Variants in RAB9A observed in about 807,000 individuals in gnomAD.
RAB9A encodes the protein ras-related protein Rab-9A.
Under a neutral mutation model 10.3 loss-of-function variants are expected in RAB9A, and 1 was observed. That is an observed-to-expected ratio of 0.10 (90% CI 0.03 to 0.46). RAB9A has a LOEUF of 0.46. RAB9A is among the 20% of genes least tolerant of loss of function. RAB9A has a pLI of 0.96. For missense variants in RAB9A, 92 were observed against 150.3 expected (o/e 0.61, Z 2.03); for synonymous variants, 39 against 55.2 (o/e 0.71, Z 1.30).
In RAB9A at chrX:13,690,844, G is replaced by T. The variant is rs1207389867; in HGVS notation, c.-116+1556G>T. Among the ~76,000 whole-genome samples the T allele has an allele frequency of 2.7e-5, 3 of 111,466 alleles. No homozygotes were observed. In the East Asian group the frequency reaches 8.4e-4, roughly 31 times the overall value. On this transcript the variant is annotated intron_variant, in intron 1 of 2. Coordinates refer to ENST00000464506, the MANE Select transcript of RAB9A (RefSeq NM_004251.5). The stretch of plus-strand genomic sequence containing the variant: ...TCCATGTTACAGTTGAGGAATTTGG[G>T]GGGGCATAGGAAGGTTCAGTCTGTT...
At chrX:13,706,554 AT>A (rs397937858) in intron 2 of RAB9A, among the ~76,000 whole-genome samples, 176 of 97,256 alleles carry the variant, frequency 1.8e-3, no homozygotes, top group East Asian at 1.9e-3. Flanking sequence ...CGTCCAGCTA[AT>A]TTTTTTTTTT....
At chrX:13,691,580 A>C (rs1219337540) in intron 1 of RAB9A, among the ~76,000 whole-genome samples, 1 of 102,964 alleles carries the variant, frequency 9.7e-6, no homozygotes. Flanking sequence ...GAATCGCTTG[A>C]ACCTGGGAGG....
At chrX:13,703,418 CTGT>C (rs990068853) in intron 1 of RAB9A, among the ~76,000 whole-genome samples, 25 of 112,436 alleles carry the variant, frequency 2.2e-4, no homozygotes, top group African/African-American at 6.5e-4. Flanking sequence ...AGGCTAGCTG[CTGT>C]TGTTGTTGTT....
At position 13,708,756 on chromosome X, in the gene RAB9A, A is replaced by G; in HGVS notation, c.10A>G (p.Lys4Glu). 3 of 1,184,468 alleles carry G rather than the reference A, an allele frequency of 2.5e-6. No individual in the cohort carries two copies. The highest frequency in any genetic ancestry group is 3.4e-6 in the Non-Finnish European group (3 of 883,078). MAGKSSLFKVILLG... is the reference protein window; with the variant it reads MAGESSLFKVILLG... ...GCTTTTGAGATTAACAATGGCAGGA[A>G]AATCATCACTTTTTAAAGTAATTCT... The change falls in exon 3 of 3, where the codon AAA becomes GAA. Residue 4 changes from lysine to glutamate, a missense_variant. Physicochemically the swap from Lys to Glu is moderately conservative, Grantham distance 56 (BLOSUM62 1). Coordinates refer to ENST00000464506, the MANE Select transcript of RAB9A (RefSeq NM_004251.5).
At chrX:13,706,251 T>C (rs1295828141) in intron 2 of RAB9A, among the ~76,000 whole-genome samples, 1 of 112,396 alleles carries the variant, frequency 8.9e-6, no homozygotes, top group Non-Finnish European at 1.9e-5. Flanking sequence ...GTTTCCTCTT[T>C]AACATTAATA....
At chrX:13,701,397 T>A (rs761317749) in intron 1 of RAB9A, among the ~76,000 whole-genome samples, 4 of 112,032 alleles carry the variant, frequency 3.6e-5, no homozygotes, top group Non-Finnish European at 7.5e-5. Flanking sequence ...GGATGTATGA[T>A]GCATTTTATT....
intron 1 of RAB9A, among the ~76,000 whole-genome samples, chrX:13,691,026 G>A (rs745607638): frequency 2.7e-5 from 3 of 111,785 alleles, no homozygotes; most frequent in African/African-American, 9.8e-5. Flanking sequence ...ACACCTGGGG[G>A]CAAGGGAGGT....
intron 1 of RAB9A, among the ~76,000 whole-genome samples, chrX:13,690,845 G>A (rs2046118373): frequency 9.0e-6 from 1 of 111,469 alleles, no homozygotes; most frequent in Non-Finnish European, 1.9e-5. Context: ...GGAATTTGGG[G>A]GGGCATAGGA....
chrX:13,695,583 A>G (rs1409065497), intron 1 of RAB9A, among the ~76,000 whole-genome samples: 1 of 112,551 alleles, frequency 8.9e-6, no homozygotes, highest in Non-Finnish European at 1.9e-5. Context: ...CGAAAAGTGG[A>G]CATATTTCAT....
intron 1 of RAB9A, among the ~76,000 whole-genome samples, chrX:13,690,534 C>T (rs1296560777): frequency 9.0e-6 from 1 of 111,626 alleles, no homozygotes; most frequent in African/African-American, 3.3e-5. Flanking sequence ...GCTTTGACTC[C>T]AAGCCGGGTT....
chrX:13,697,874 T>C (rs923968555), intron 1 of RAB9A, among the ~76,000 whole-genome samples: 2 of 112,041 alleles, frequency 1.8e-5, no homozygotes, highest in African/African-American at 6.5e-5. Flanking sequence ...CTAGGGAGTG[T>C]ATTTTCTCCC....
At chrX:13,690,120 T>G (rs2046114040) in intron 1 of RAB9A, among the ~76,000 whole-genome samples, 1 of 111,478 alleles carries the variant, frequency 9.0e-6, no homozygotes. Context: ...TTTGATTGCT[T>G]CTTTAAAAAT....
intron 1 of RAB9A, among the ~76,000 whole-genome samples, chrX:13,689,497 G>A (rs1161862813): frequency 1.8e-5 from 2 of 111,930 alleles, no homozygotes; most frequent in Non-Finnish European, 3.8e-5. Context: ...ACACCCTTGG[G>A]GAGAGGGACT....
At chrX:13,691,521 G>T (rs769527127) in intron 1 of RAB9A, among the ~76,000 whole-genome samples, 1 of 109,626 alleles carries the variant, frequency 9.1e-6, no homozygotes, top group East Asian at 2.8e-4. Flanking sequence ...TTAGCCAGGC[G>T]TGGTGGCGGA....
chrX:13,708,434 G>A (rs915899410), intron 2 of RAB9A, among the ~76,000 whole-genome samples: 1 of 111,473 alleles, frequency 9.0e-6, no homozygotes, highest in Admixed American at 9.5e-5. Context: ...TTATCATAGA[G>A]TAACGGTTCA....
At chrX:13,705,374 TA>T (rs1223835974) in intron 2 of RAB9A, among the ~76,000 whole-genome samples, 1 of 111,813 alleles carries the variant, frequency 8.9e-6, no homozygotes, top group South Asian at 3.7e-4. Flanking sequence ...ATGGGAAATG[TA>T]AAAAATTGTA....
At chrX:13,693,566 C>T (rs1189611720) in intron 1 of RAB9A, among the ~76,000 whole-genome samples, 1 of 111,934 alleles carries the variant, frequency 8.9e-6, no homozygotes, top group Non-Finnish European at 1.9e-5. Context: ...ATCTCTGTTT[C>T]TCACCATGAC....
At chrX:13,701,513 C>G (rs954358247) in intron 1 of RAB9A, among the ~76,000 whole-genome samples, 2 of 111,430 alleles carry the variant, frequency 1.8e-5, no homozygotes, top group Non-Finnish European at 3.8e-5. Flanking sequence ...ATTGACAACT[C>G]AGAAATGTAT....
intron 1 of RAB9A, among the ~76,000 whole-genome samples, chrX:13,701,748 G>A (rs1439451432): frequency 9.0e-6 from 1 of 111,330 alleles, no homozygotes; most frequent in African/African-American, 3.3e-5. Context: ...CGGCTGACTA[G>A]GAGTTAGACA....
Sources: allele counts gnomAD v4.1 joint callset (sites outside exome capture counted in the v4.1 genomes callset), GRCh38; gene constraint gnomAD v4.1.1; transcripts MANE v1.5; gene names NCBI Gene and HGNC (gene_info 2026-07-23, HGNC 2026-07-21).